PIGG: variants seen among roughly 807,000 people sequenced by gnomAD.
PIGG encodes the protein GPI ethanolamine phosphate transferase 2, catalytic subunit.
In PIGG, 70 loss-of-function variants were observed where a neutral mutation model predicts 83.2. The observed-to-expected ratio is 0.84, with a 90% CI of 0.69 to 1.03. The LOEUF is 1.03. Among genes scored for constraint, PIGG ranks in the 50% least tolerant of loss-of-function variants. The probability of loss-of-function intolerance (pLI) is 0.00; values close to 1 mark genes in which losing one functional copy is unlikely to be tolerated. For synonymous variants in PIGG, 532 were observed against 519.5 expected (o/e 1.02, Z -0.33); for missense variants, 1,257 against 1,233.6 (o/e 1.02, Z -0.28).
chr4:499,253 G>T lies in PIGG; in HGVS notation c.-83G>T. On this transcript the variant is annotated 5_prime_UTR_variant, in exon 1 of 13. Transcript: ENST00000453061. ...AGGCCTGGCGTTATTGCTTAGAGGC[G>T]GCTACCTGGAGCCGGAAGCGCGGCT... The T allele has an allele frequency of 1.4e-6, 2 of 1,471,208 alleles. No individual in the cohort carries two copies. Among genetic ancestry groups the T allele is most frequent in the Non-Finnish European group, 1.8e-6 (2 of 1,082,944 alleles). The allele number at this position is 1,471,208 out of a possible 1,614,324, so 91.1% of individuals were successfully genotyped here. A position where few individuals can be genotyped will look rare whatever the true frequency, so the allele number is the denominator to read the frequency against.
intron 12 of PIGG, among the ~76,000 whole-genome samples, chr4:538,133 C>T (rs1258402867): frequency 6.6e-6 from 1 of 152,214 alleles, no homozygotes; most frequent in African/African-American, 2.4e-5. Flanking sequence ...CCCAGACACA[C>T]ACACGTGCCG....
At chr4:513,972 A>ACC (rs1723047534) in intron 5 of PIGG, among the ~76,000 whole-genome samples, 1 of 152,116 alleles carries the variant, frequency 6.6e-6, no homozygotes, top group South Asian at 2.1e-4. Context: ...TGATGCTGGT[A>ACC]CCCCTGGCTG....
In PIGG at chr4:523,832, C is replaced by T. The variant is rs928758188; in HGVS notation, c.1988C>T (p.Ala663Val). The change falls in exon 9 of 13, where the codon GCC becomes GTC. Residue 663 changes from alanine to valine, a missense_variant. Coordinates refer to ENST00000453061, the MANE Select transcript of PIGG (RefSeq NM_001127178.3). Reference protein sequence around the residue: ...MVLASPWLILACCRLLRSLNQ... With the variant: ...MVLASPWLILVCCRLLRSLNQ... ...CTGGCCAGTCCGTGGCTAATACTGG[C>T]CTGCTGCCGGCTGCTGCGCTCCCTA... 2 of 1,609,410 alleles carry T rather than the reference C, an allele frequency of 1.2e-6. No homozygotes were observed. Among genetic ancestry groups the T allele is most frequent in the East Asian group, 2.2e-5 (1 of 44,664 alleles).
chr4:506,917 C>A (rs1198863436), intron 3 of PIGG: 3 of 391,818 alleles, frequency 7.7e-6, no homozygotes, highest in Admixed American at 7.5e-5. Context: ...TACCTCATGA[C>A]AACTTGGGAT....
intron 9 of PIGG, 77 bp from the exon 10 acceptor site, chr4:526,962 C>A: frequency 6.6e-7 from 1 of 1,514,352 alleles, no homozygotes; most frequent in Non-Finnish European, 9.0e-7. Context: ...TAATACCGTT[C>A]TTTGAAAGCC....
At chr4:530,957 C>T (rs968290555) in intron 11 of PIGG, 6 of 541,696 alleles carry the variant, frequency 1.1e-5, no homozygotes, top group Non-Finnish European at 1.6e-5. Flanking sequence ...CTTAAGACAG[C>T]AGACTGCTGC....
At position 516,287 on chromosome 4, in the gene PIGG, AT is replaced by A. The variant is rs147241725; in HGVS notation, c.1114+108del. The A allele has an allele frequency of 5.0e-3, 3,783 of 754,788 alleles. 76 individuals are homozygous for A. Among genetic ancestry groups the A allele is most frequent in the African/African-American group, 0.047 (2,688 of 57,648 alleles). 46.8% of individuals were successfully genotyped at this position (754,788 alleles called of 1,614,324 possible). A position where few individuals can be genotyped will look rare whatever the true frequency, so the allele number is the denominator to read the frequency against. On this transcript the variant is annotated intron_variant, in intron 6 of 12. Coordinates refer to ENST00000453061, the MANE Select transcript of PIGG (RefSeq NM_001127178.3). ...GTGGTATGCAGTTTGTCACAGGAGT[AT>A]TTTTTCATCACTACTCTTTGATGAT...
chr4:524,048 A>G, intron 9 of PIGG, 135 bp downstream of exon 9: 1 of 607,736 alleles, frequency 1.6e-6, no homozygotes, highest in Non-Finnish European at 2.8e-6. Flanking sequence ...AAGAATTGGG[A>G]AAATACACTA....
At chr4:520,057 C>T (rs1365293153) in intron 6 of PIGG, among the ~76,000 whole-genome samples, 2 of 152,186 alleles carry the variant, frequency 1.3e-5, no homozygotes, top group African/African-American at 4.8e-5. Context: ...TGAGTTCATG[C>T]TCAGGGACTT....
Position 539,881 on chromosome 4 carries a change from A to G in PIGG, c.*512A>G, listed in dbSNP as rs1315160485. 1 of 152,366 alleles carries G rather than the reference A, an allele frequency of 6.6e-6. No homozygotes were observed. The highest frequency in any genetic ancestry group is 2.4e-5 in the African/African-American group (1 of 41,394). The allele number at this position is 152,366 out of a possible 1,614,324, so 9.4% of individuals were successfully genotyped here. A position where few individuals can be genotyped will look rare whatever the true frequency, so the allele number is the denominator to read the frequency against. ...TGAAACACTTGAAGGAAAAGTAACT[A>G]TATTTTCCAAAACAAAAAAATTCAG... On this transcript the variant is annotated 3_prime_UTR_variant, in exon 13 of 13. Transcript: ENST00000453061.
chr4:521,856 GGGTGAT>G lies in PIGG; in HGVS notation c.1534_1539del (p.Met512_Val513del). ...GGCCTCTCGTGGCTGGCGGCAGGTG[GGGTGAT>G]GGTGCTGGCCTCGGCGCTGCTGTGT... On this transcript the variant is annotated inframe_deletion, in exon 8 of 13. Transcript: ENST00000453061. 2.5e-6 allele frequency: 4 copies of G among 1,614,210 alleles called. No individual in the cohort carries two copies. Among genetic ancestry groups the G allele is most frequent in the Non-Finnish European group, 3.4e-6 (4 of 1,180,032 alleles).
At chr4:506,502 A>T (rs782305776) in intron 3 of PIGG, among the ~76,000 whole-genome samples, 5 of 152,056 alleles carry the variant, frequency 3.3e-5, no homozygotes, top group Non-Finnish European at 5.9e-5. Context: ...AGCCAGCTTC[A>T]CCTCCTAGAT....
At chr4:533,784 T>C in intron 11 of PIGG, 34 bp from the exon 12 acceptor site, 1 of 1,608,998 alleles carries the variant, frequency 6.2e-7, no homozygotes, top group East Asian at 2.2e-5. Context: ...CCACGTGTTG[T>C]GAGGCCTTTG....
At chr4:536,164 C>G (rs1441658322) in intron 12 of PIGG, 1 of 152,452 alleles carries the variant, frequency 6.6e-6, no homozygotes, top group Non-Finnish European at 1.5e-5. Flanking sequence ...CTCGGCGGGC[C>G]CGGGCTGGAC....
intron 6 of PIGG, among the ~76,000 whole-genome samples, chr4:519,184 T>C (rs1346844527): frequency 6.6e-6 from 1 of 152,198 alleles, no homozygotes; most frequent in Non-Finnish European, 1.5e-5. Context: ...ACAGCTGTAA[T>C]GCAGTCACAG....
At chr4:516,769 T>C (rs527372086) in intron 6 of PIGG, among the ~76,000 whole-genome samples, 1 of 147,572 alleles carries the variant, frequency 6.8e-6, no homozygotes, top group East Asian at 2.0e-4. Flanking sequence ...GGCAGGAGAA[T>C]CGCTTGAACC....
intron 12 of PIGG, among the ~76,000 whole-genome samples, chr4:534,605 C>CCT (rs2109038849): frequency 6.6e-6 from 1 of 152,354 alleles, no homozygotes; most frequent in African/African-American, 2.4e-5. Flanking sequence ...TCTGGCCTGC[C>CCT]CTCCATGCTC....
intron 9 of PIGG, among the ~76,000 whole-genome samples, chr4:524,344 C>T (rs939162092): frequency 6.6e-6 from 1 of 152,134 alleles, no homozygotes; most frequent in African/African-American, 2.4e-5. Flanking sequence ...CACCTGAGGC[C>T]GGGTCACATG....
rs780294885 is a variant in PIGG, at chr4:521,782, C to A, written c.1455C>A (p.Ala485=). The A allele has an allele frequency of 2.5e-6, 4 of 1,614,196 alleles. No individual in the cohort carries two copies. The highest frequency in any genetic ancestry group is 3.4e-6 in the Non-Finnish European group (4 of 1,180,044). ...LFYLVILVLS[A]VHVIVCTSAE... is the part of the protein sequence containing the mutation. Reference sequence around the variant, plus strand: ...ATTTGGTGATCCTGGTTCTTTCGGCCGTTCACGTCATTGTGTGCACCTCAG... The same window carrying A: ...ATTTGGTGATCCTGGTTCTTTCGGCAGTTCACGTCATTGTGTGCACCTCAG... The change falls in exon 8 of 13, where the codon GCC becomes GCA. Residue 485 remains alanine (A), a synonymous_variant. Transcript: ENST00000453061.
Sources: allele counts gnomAD v4.1 joint callset (sites outside exome capture counted in the v4.1 genomes callset), GRCh38; gene constraint gnomAD v4.1.1; transcripts MANE v1.5; gene names NCBI Gene and HGNC (gene_info 2026-07-23, HGNC 2026-07-21).